PDE3B: variants seen among roughly 807,000 people sequenced by gnomAD.
The protein encoded by PDE3B is cGMP-inhibited 3',5'-cyclic phosphodiesterase 3B.
A neutral mutation model predicts 116.8 loss-of-function variants in PDE3B; 66 were observed. That is an observed-to-expected ratio of 0.56 (90% CI 0.46 to 0.69). PDE3B has a LOEUF of 0.69. Ranked by LOEUF, PDE3B falls within the 30% of genes least tolerant of loss-of-function variation. PDE3B has a pLI of 0.00. For synonymous variants in PDE3B, 595 were observed against 533.6 expected, an observed-to-expected ratio of 1.12 and a Z score of -1.59; for missense variants, 1,384 against 1,368.1, an observed-to-expected ratio of 1.01 and a Z score of -0.18.
rs148183991 is a variant in PDE3B at position 14,698,421 on chromosome 11, G to A, written c.978+53368G>A. 7.1e-4 allele frequency among the ~76,000 whole-genome samples: 108 copies of A among 151,872 alleles called. 1 individual carries two copies. The East Asian group carries it at 0.018, about 25-fold the overall frequency. ...CTGGATATTACTTAGGTTTATTTTT[G>A]AATGTTGAACCAACACTGTATTCTT... On this transcript the variant is annotated intron_variant, in intron 1 of 15. Transcript: ENST00000282096.
Position 14,871,493 on chromosome 11 carries a change from A to AT in PDE3B, c.*1833_*1834insT, listed in dbSNP as rs1848140496. On this transcript the variant is annotated 3_prime_UTR_variant, in exon 16 of 16. Coordinates refer to ENST00000282096, the MANE Select transcript of PDE3B (RefSeq NM_000922.4). Reference sequence around the variant, plus strand: ...AGAATACATACAAGTGTATGTGTATAAAGTCATACATGTACAAGCATGCAT... The same window carrying AT: ...AGAATACATACAAGTGTATGTGTATATAAGTCATACATGTACAAGCATGCAT... 6.6e-6 allele frequency: 1 copy of AT among 152,190 alleles called. No individual in the cohort carries two copies. The allele number at this position is 152,190 out of a possible 1,614,324, so 9.4% of individuals were successfully genotyped here.
chr11:14,747,501 A>G (rs1390430650), intron 1 of PDE3B, among the ~76,000 whole-genome samples: 1 of 152,226 alleles, frequency 6.6e-6, no homozygotes, highest in Non-Finnish European at 1.5e-5. Flanking sequence ...CATAGAGAAG[A>G]CAGTCAGAAG....
chr11:14,716,709 CCTGT>C (rs1177226278), intron 1 of PDE3B, among the ~76,000 whole-genome samples: 1 of 26,058 alleles, frequency 3.8e-5, no homozygotes, highest in African/African-American at 1.5e-4. Context: ...AGCTGAGGGT[CCTGT>C]CTGTTAGAAG....
chr11:14,743,326 C>G (rs566406418), intron 1 of PDE3B, among the ~76,000 whole-genome samples: 1 of 152,294 alleles, frequency 6.6e-6, no homozygotes, highest in Admixed American at 6.5e-5. Context: ...GGGCTCCACC[C>G]AGTTTGAACT....
At chr11:14,759,084 A>G (rs1398167682) in intron 1 of PDE3B, among the ~76,000 whole-genome samples, 1 of 152,056 alleles carries the variant, frequency 6.6e-6, no homozygotes. Context: ...TGATTTGCGT[A>G]TATTGAACCA....
chr11:14,788,011 G>A (rs1858263760), intron 3 of PDE3B, among the ~76,000 whole-genome samples: 1 of 151,816 alleles, frequency 6.6e-6, no homozygotes, highest in African/African-American at 2.4e-5. Flanking sequence ...TAATTAAACA[G>A]GATGCCTAAA....
At chr11:14,648,163 A>G (rs938265210) in intron 1 of PDE3B, among the ~76,000 whole-genome samples, 3 of 152,022 alleles carry the variant, frequency 2.0e-5, no homozygotes, top group Non-Finnish European at 4.4e-5. Flanking sequence ...CTACAGTGCA[A>G]TTTTCAGCTT....
intron 2 of PDE3B, among the ~76,000 whole-genome samples, chr11:14,784,188 A>G (rs1858124195): frequency 6.6e-6 from 1 of 152,218 alleles, no homozygotes; most frequent in Admixed American, 6.5e-5. Flanking sequence ...CAAAAAGGTT[A>G]GGGAACCCCT....
rs186270573 is a variant in PDE3B at position 14,714,245 on chromosome 11, T to A, written c.979-57692T>A. Among the ~76,000 whole-genome samples the A allele has an allele frequency of 3.9e-3, 600 of 152,204 alleles. 5 individuals are homozygous for A. Among genetic ancestry groups the A allele is most frequent in the African/African-American group, 0.014 (583 of 41,518 alleles). The stretch of plus-strand genomic sequence containing the variant: ...CCGTATAAATGTGTATATATATGTG[T>A]GTGTCTTGCTATTTGTATTGGTTCT... On this transcript the variant is annotated intron_variant, in intron 1 of 15. Coordinates refer to ENST00000282096, the MANE Select transcript of PDE3B (RefSeq NM_000922.4).
At chr11:14,830,322 T>C (rs1319162450) in intron 7 of PDE3B, among the ~76,000 whole-genome samples, 2 of 152,154 alleles carry the variant, frequency 1.3e-5, no homozygotes, top group Admixed American at 6.5e-5. Flanking sequence ...TTTAATCTTA[T>C]TGATTTGTAA....
chr11:14,671,772 A>G (rs1854374673), intron 1 of PDE3B, among the ~76,000 whole-genome samples: 1 of 151,770 alleles, frequency 6.6e-6, no homozygotes, highest in Admixed American at 6.6e-5. Context: ...TCATCCCTGT[A>G]ATCCTAGCTC....
At chr11:14,707,719 T>G (rs1268735636) in intron 1 of PDE3B, among the ~76,000 whole-genome samples, 2 of 152,060 alleles carry the variant, frequency 1.3e-5, no homozygotes, top group Non-Finnish European at 2.9e-5. Flanking sequence ...CATTAATTCT[T>G]TAGACTTCTT....
intron 2 of PDE3B, among the ~76,000 whole-genome samples, chr11:14,784,625 G>A (rs1383456044): frequency 6.6e-6 from 1 of 151,886 alleles, no homozygotes; most frequent in Admixed American, 6.6e-5. Flanking sequence ...AGAGGAACAA[G>A]GAACAGAAGA....
chr11:14,741,344 A>C (rs1856767610), intron 1 of PDE3B, among the ~76,000 whole-genome samples: 1 of 152,050 alleles, frequency 6.6e-6, no homozygotes, highest in Non-Finnish European at 1.5e-5. Flanking sequence ...TGATCTGTTT[A>C]CCATTATGTA....
intron 5 of PDE3B, among the ~76,000 whole-genome samples, chr11:14,807,086 A>G (rs1858957603): frequency 6.6e-6 from 1 of 152,192 alleles, no homozygotes. Flanking sequence ...GGAGGGGAAC[A>G]TCACACACTG....
chr11:14,803,771 A>G (rs1352795495), intron 4 of PDE3B, among the ~76,000 whole-genome samples, 173 bp from the exon 5 acceptor site: 1 of 152,230 alleles, frequency 6.6e-6, no homozygotes, highest in Non-Finnish European at 1.5e-5. Context: ...AGTATTTACC[A>G]TCAGGTTCTT....
chr11:14,821,559 T>C (rs1859514419), intron 7 of PDE3B, among the ~76,000 whole-genome samples: 1 of 152,206 alleles, frequency 6.6e-6, no homozygotes, highest in Non-Finnish European at 1.5e-5. Context: ...AACTTTTAGA[T>C]TAACTTCTAT....
At chr11:14,836,833 G>A (rs567551336) in intron 11 of PDE3B, among the ~76,000 whole-genome samples, 4 of 151,992 alleles carry the variant, frequency 2.6e-5, no homozygotes, top group African/African-American at 9.7e-5. Context: ...TTTTGGAGAC[G>A]GTGTCTCACT....
In PDE3B at chr11:14,644,145, C is replaced by T; in HGVS notation, c.70C>T (p.Pro24Ser). The change falls in exon 1 of 16, where the codon CCC becomes TCC. Residue 24 changes from proline to serine, a missense_variant. Pro to Ser is a moderately conservative substitution (Grantham distance 74). Coordinates refer to ENST00000282096, the MANE Select transcript of PDE3B (RefSeq NM_000922.4). Reference sequence around the variant, plus strand: ...GCCGCCGGATGGGGCCGGCTCGCCCCCCGAGAGTCTGAGGAACGGCTACGT... The same window carrying T: ...GCCGCCGGATGGGGCCGGCTCGCCCTCCGAGAGTCTGAGGAACGGCTACGT... ...LQPPDGAGSP[P>S]ESLRNGYVKS... 1.3e-6 allele frequency: 2 copies of T among 1,591,640 alleles called. No homozygotes were observed. Among genetic ancestry groups the T allele is most frequent in the Non-Finnish European group, 1.7e-6 (2 of 1,176,586 alleles).
Sources: allele counts gnomAD v4.1 joint callset (sites outside exome capture counted in the v4.1 genomes callset), GRCh38; gene constraint gnomAD v4.1.1; transcripts MANE v1.5; gene names NCBI Gene and HGNC (gene_info 2026-07-23, HGNC 2026-07-21).